The following NOL10 variants were observed in gnomAD, a reference collection of about 807,000 sequenced individuals.
NOL10 encodes the protein nucleolar protein 10.
A neutral mutation model predicts 103.5 loss-of-function variants in NOL10; 58 were observed. That is an observed-to-expected ratio of 0.56 (90% CI 0.45 to 0.70). The LOEUF is 0.70. Ranked by LOEUF, NOL10 falls within the 30% of genes least tolerant of loss-of-function variation. The pLI is 0.00. For synonymous variants in NOL10, 287 were observed against 282.5 expected (o/e 1.02, Z -0.16); for missense variants, 763 against 807.3 (o/e 0.95, Z 0.67).
intron 17 of NOL10, among the ~76,000 whole-genome samples, chr2:10,595,603 TGTTTG>T (rs1558277600): frequency 0.017 from 1,601 of 94,202 alleles, 29 homozygotes; most frequent in South Asian, 0.022. Context: ...GTTTTGTTTT[TGTTTG>T]TTTGTTTGTT....
At chr2:10,653,564 A>G (rs1679628816) in intron 12 of NOL10, among the ~76,000 whole-genome samples, 1 of 152,128 alleles carries the variant, frequency 6.6e-6, no homozygotes, top group Non-Finnish European at 1.5e-5. Flanking sequence ...CATTTAGCAC[A>G]TCATGCCCAA....
chr2:10,686,457 C>G (rs73169921), intron 1 of NOL10, among the ~76,000 whole-genome samples: 2,065 of 152,136 alleles, frequency 0.014, 58 homozygotes, highest in African/African-American at 0.047. Flanking sequence ...TCAAGTAGGA[C>G]CTTAAAAGTC....
chr2:10,686,306 G>GA, intron 1 of NOL10, among the ~76,000 whole-genome samples: 1 of 152,264 alleles, frequency 6.6e-6, no homozygotes, highest in South Asian at 2.1e-4. Context: ...GAACATCTGG[G>GA]AAAAAAGCAG....
At chr2:10,637,254 A>T (rs1572346703) in intron 13 of NOL10, among the ~76,000 whole-genome samples, 5 of 151,862 alleles carry the variant, frequency 3.3e-5, no homozygotes, top group African/African-American at 9.6e-5. Context: ...ACAGAAAAAA[A>T]CCTGAGAAAA....
At chr2:10,627,674 CAAAA>C (rs202078285) in intron 13 of NOL10, among the ~76,000 whole-genome samples, 33 of 137,512 alleles carry the variant, frequency 2.4e-4, no homozygotes, top group East Asian at 7.3e-4. Flanking sequence ...GACTCCGTCT[CAAAA>C]AAAACAAACA....
intron 13 of NOL10, among the ~76,000 whole-genome samples, chr2:10,637,188 CAAAAAAAAAAAAAA>C (rs61693251): frequency 4.5e-5 from 2 of 44,524 alleles, no homozygotes; most frequent in Non-Finnish European, 8.0e-5. Flanking sequence ...GACACTGTCT[CAAAAAAAAAAAAAA>C]AAAAAAAAAA....
At chr2:10,666,269 A>T (rs1430727174) in intron 8 of NOL10, among the ~76,000 whole-genome samples, 1 of 149,180 alleles carries the variant, frequency 6.7e-6, no homozygotes, top group East Asian at 1.9e-4. Context: ...TAATTTGAGT[A>T]AAAAAAAAAC....
intron 13 of NOL10, among the ~76,000 whole-genome samples, chr2:10,639,212 G>C (rs1407007498): frequency 6.6e-6 from 1 of 152,070 alleles, no homozygotes; most frequent in Non-Finnish European, 1.5e-5. Context: ...CACAAGGTCA[G>C]GAGATCAAGA....
chr2:10,647,509 G>C (rs912312260), intron 12 of NOL10, among the ~76,000 whole-genome samples: 1 of 152,244 alleles, frequency 6.6e-6, no homozygotes, highest in Non-Finnish European at 1.5e-5. Context: ...TCAACGTGCA[G>C]TGGATTAGAA....
At chr2:10,611,089 A>C (rs990984567) in intron 13 of NOL10, among the ~76,000 whole-genome samples, 1 of 152,228 alleles carries the variant, frequency 6.6e-6, no homozygotes, top group African/African-American at 2.4e-5. Context: ...TACTGCGCCC[A>C]GCAAATATTT....
chr2:10,607,171 A>G lies in NOL10; in HGVS notation c.1153+14T>C. ...AAGTAATTACATAATATTTCATCACAATTTTTTTTTTACCTAAATTTTCAA... is the reference window on the plus strand; with the variant it reads ...AAGTAATTACATAATATTTCATCACGATTTTTTTTTTACCTAAATTTTCAA... On this transcript the variant is annotated intron_variant, in intron 14 of 20. Transcript: ENST00000381685. 6.6e-7 allele frequency: 1 copy of G among 1,511,034 alleles called. No homozygotes were observed. The highest frequency in any genetic ancestry group is 9.0e-7 in the Non-Finnish European group (1 of 1,116,000). The allele number at this position is 1,511,034 out of a possible 1,614,324, so 93.6% of individuals were successfully genotyped here.
chr2:10,683,552 T>C (rs778831960), intron 2 of NOL10, among the ~76,000 whole-genome samples: 2 of 152,212 alleles, frequency 1.3e-5, no homozygotes, highest in Non-Finnish European at 2.9e-5. Flanking sequence ...TTACTGGGTA[T>C]GGCGAGATTG....
At chr2:10,662,050 C>T (rs372411390) in intron 9 of NOL10, among the ~76,000 whole-genome samples, 14 of 152,216 alleles carry the variant, frequency 9.2e-5, no homozygotes, top group Admixed American at 7.2e-4. Context: ...CACTGACAGG[C>T]GCATTTGGAC....
chr2:10,635,093 T>G (rs1302236381), intron 13 of NOL10, among the ~76,000 whole-genome samples: 3 of 152,256 alleles, frequency 2.0e-5, no homozygotes, highest in Non-Finnish European at 1.5e-5. Flanking sequence ...GACCCAAGTC[T>G]AAACATGAAA....
At chr2:10,644,424 CT>C in intron 12 of NOL10, 52 bp from the exon 13 acceptor site, 3 of 1,320,946 alleles carry the variant, frequency 2.3e-6, no homozygotes, top group Middle Eastern at 2.0e-4. Flanking sequence ...AGAAAGTACC[CT>C]TTTCTATTTG....
chr2:10,649,087 C>T (rs35841482), intron 12 of NOL10, among the ~76,000 whole-genome samples: 9,493 of 152,016 alleles, frequency 0.062, 496 homozygotes, highest in Admixed American at 0.15. Flanking sequence ...CAATAAGGGA[C>T]CTAATAATTT....
intron 13 of NOL10, among the ~76,000 whole-genome samples, chr2:10,627,756 G>A (rs755501745): frequency 4.3e-4 from 65 of 151,556 alleles, no homozygotes; most frequent in Non-Finnish European, 7.2e-4. Context: ...GAGGGAGGGA[G>A]GGAGAGAGGG....
intron 2 of NOL10, 102 bp from the exon 3 acceptor site, chr2:10,682,171 T>C (rs1681814733): frequency 2.3e-6 from 1 of 427,926 alleles, no homozygotes; most frequent in Non-Finnish European, 4.0e-6. Context: ...TATAAACAGG[T>C]GAAATTCATC....
intron 19 of NOL10, among the ~76,000 whole-genome samples, chr2:10,586,645 C>T (rs750285367): frequency 1.4e-4 from 22 of 152,096 alleles, no homozygotes; most frequent in African/African-American, 1.9e-4. Context: ...CTCTGCCTTC[C>T]GAGACAGGAA....
Sources: gnomAD v4.1 joint callset for allele counts (sites outside exome capture counted in the v4.1 genomes callset) on GRCh38, gnomAD v4.1.1 for gene constraint, MANE v1.5 for transcripts, NCBI Gene and HGNC (gene_info 2026-07-23, HGNC 2026-07-21) for gene names.